Variants in ILDR2 observed in about 807,000 individuals in gnomAD.
ILDR2 encodes immunoglobulin like domain containing receptor 2.
ILDR2 carries 25 observed loss-of-function variants against 66.8 expected under a neutral mutation model. The ratio of observed to expected loss-of-function variants is 0.37; its 90% CI spans 0.27 to 0.52. ILDR2 has a LOEUF of 0.52. Ranked by LOEUF, ILDR2 falls within the 20% of genes least tolerant of loss-of-function variation. The pLI is 0.88. For missense variants in ILDR2, 827 were observed against 876.8 expected, an observed-to-expected ratio of 0.94 and a Z score of 0.72; for synonymous variants, 367 against 357.2, an observed-to-expected ratio of 1.03 and a Z score of -0.31.
chr1:166,940,518 G>GT (rs1340456886), intron 3 of ILDR2, among the ~76,000 whole-genome samples: 2 of 152,136 alleles, frequency 1.3e-5, no homozygotes, highest in African/African-American at 4.8e-5. Flanking sequence ...AAAAGTCACT[G>GT]TAGCACCTAA....
intron 1 of ILDR2, 123 bp downstream of exon 1, chr1:166,975,100 G>T: frequency 1.3e-6 from 1 of 764,420 alleles, no homozygotes; most frequent in South Asian, 1.6e-5. Context: ...CTTTCCACCA[G>T]ACCGCTAAGC....
intron 1 of ILDR2, among the ~76,000 whole-genome samples, chr1:166,966,706 TC>T (rs1662974387): frequency 6.6e-6 from 1 of 152,234 alleles, no homozygotes; most frequent in Admixed American, 6.5e-5. Context: ...ATAGGTGTTG[TC>T]TAGCTGGCTT....
chr1:166,935,773 A>C (rs1478575582), intron 5 of ILDR2, among the ~76,000 whole-genome samples: 2 of 152,186 alleles, frequency 1.3e-5, no homozygotes, highest in Admixed American at 1.3e-4. Flanking sequence ...TGACAGCAGC[A>C]GCCCACTCTT....
At chr1:166,899,392 CAA>C (rs1256137812) in intron 2 of ILDR2, among the ~76,000 whole-genome samples, 15 of 87,622 alleles carry the variant, frequency 1.7e-4, no homozygotes, top group Admixed American at 3.8e-4. Flanking sequence ...GACTCCATCT[CAA>C]AAAAAAAAAA....
chr1:166,960,650 CTT>C (rs1662557129), intron 1 of ILDR2, among the ~76,000 whole-genome samples: 1 of 152,244 alleles, frequency 6.6e-6, no homozygotes, highest in Admixed American at 6.5e-5. Flanking sequence ...CATCCTGAAT[CTT>C]GATAACCATA....
chr1:166,903,787 G>C (rs947749167), downstream of ILDR2, among the ~76,000 whole-genome samples: 1 of 152,056 alleles, frequency 6.6e-6, no homozygotes, highest in African/African-American at 2.4e-5. Context: ...CTGAAATCAT[G>C]CCTACCTCAA....
rs1455815533 is a variant in ILDR2, at chr1:166,910,636, G to T, written c.*8719C>A. The T allele has an allele frequency of 6.6e-6, 1 of 152,094 alleles. No individual in the cohort carries two copies. The highest frequency in any genetic ancestry group is 1.5e-5 in the Non-Finnish European group (1 of 68,010). 9.4% of individuals were successfully genotyped at this position (152,094 alleles called of 1,614,324 possible). A position where few individuals can be genotyped will look rare whatever the true frequency, so the allele number is the denominator to read the frequency against. On this transcript the variant is annotated 3_prime_UTR_variant, in exon 10 of 10. Coordinates refer to ENST00000271417, the MANE Select transcript of ILDR2 (RefSeq NM_199351.3). ...ACTTCTACACCTCATGCCATTTTTG[G>T]TGAGTCATCTTAGGCCACCTGATAA...
At chr1:166,926,804 A>G (rs1660324662) in intron 7 of ILDR2, among the ~76,000 whole-genome samples, 1 of 152,046 alleles carries the variant, frequency 6.6e-6, no homozygotes, top group Admixed American at 6.5e-5. Flanking sequence ...GGGCATGGAT[A>G]ACACAGCCCC....
intron 6 of ILDR2, among the ~76,000 whole-genome samples, chr1:166,927,577 A>G (rs1465663824): frequency 6.6e-6 from 1 of 152,238 alleles, no homozygotes; most frequent in Non-Finnish European, 1.5e-5. Flanking sequence ...CTAGCATCTG[A>G]GGATCCCACC....
At chr1:166,928,036 T>C (rs1660407682) in intron 6 of ILDR2, among the ~76,000 whole-genome samples, 2 of 152,164 alleles carry the variant, frequency 1.3e-5, no homozygotes, top group East Asian at 1.9e-4. Flanking sequence ...CCAAGAGTGA[T>C]AGATACCAGT....
intron 1 of ILDR2, among the ~76,000 whole-genome samples, chr1:166,969,821 A>G (rs115926267): frequency 1.3e-5 from 2 of 152,168 alleles, no homozygotes; most frequent in Admixed American, 6.5e-5. Context: ...ACCAAGTCAT[A>G]TTAAGGCAGT....
At chr1:166,967,621 G>A (rs1331716148) in intron 1 of ILDR2, among the ~76,000 whole-genome samples, 2 of 152,152 alleles carry the variant, frequency 1.3e-5, no homozygotes, top group Non-Finnish European at 2.9e-5. Context: ...GCCGAGCATG[G>A]TGATGTGTGC....
At chr1:166,934,679 C>A (rs1660838673) in intron 6 of ILDR2, among the ~76,000 whole-genome samples, 1 of 152,212 alleles carries the variant, frequency 6.6e-6, no homozygotes, top group African/African-American at 2.4e-5. Flanking sequence ...TGGACACTGT[C>A]ACATACTCAC....
At chr1:166,905,632 T>G (rs1362579536), downstream of ILDR2, among the ~76,000 whole-genome samples, 3 of 152,206 alleles carry the variant, frequency 2.0e-5, no homozygotes, top group Non-Finnish European at 4.4e-5. Flanking sequence ...TACACATAGC[T>G]TATACTTTTT....
intron 6 of ILDR2, among the ~76,000 whole-genome samples, chr1:166,931,534 A>G (rs1039552423): frequency 6.6e-6 from 1 of 152,222 alleles, no homozygotes; most frequent in African/African-American, 2.4e-5. Context: ...TTTTGCATGA[A>G]GAATGGGTGG....
At chr1:166,952,609 T>TC (rs1308861701) in intron 3 of ILDR2, among the ~76,000 whole-genome samples, 1 of 152,182 alleles carries the variant, frequency 6.6e-6, no homozygotes, top group Non-Finnish European at 1.5e-5. Flanking sequence ...TGAGTCATGC[T>TC]CAGTGGGAAG....
At chr1:166,961,189 G>A (rs1662589207) in intron 1 of ILDR2, among the ~76,000 whole-genome samples, 1 of 152,182 alleles carries the variant, frequency 6.6e-6, no homozygotes, top group Non-Finnish European at 1.5e-5. Flanking sequence ...GTGGTTTGGT[G>A]TACAGACCAT....
At chr1:166,939,458 CA>C in intron 4 of ILDR2, 55 bp downstream of exon 4, 7 of 1,436,348 alleles carry the variant, frequency 4.9e-6, no homozygotes, top group Non-Finnish European at 6.9e-6. Context: ...AATGCAGAAG[CA>C]AGACAGATGG....
chr1:166,963,164 G>A (rs139780995), intron 1 of ILDR2, among the ~76,000 whole-genome samples: 184 of 152,164 alleles, frequency 1.2e-3, no homozygotes, highest in East Asian at 9.2e-3. Context: ...TCAGTTGGTC[G>A]CTAAGTCTAA....
Sources: allele counts gnomAD v4.1 joint callset (sites outside exome capture counted in the v4.1 genomes callset), GRCh38; gene constraint gnomAD v4.1.1; transcripts MANE v1.5; gene names NCBI Gene and HGNC (gene_info 2026-07-23, HGNC 2026-07-21).